Variants in PCBP3 observed in about 807,000 individuals in gnomAD.
The protein encoded by PCBP3 is poly(rC)-binding protein 3.
Under a neutral mutation model 52.7 loss-of-function variants are expected in PCBP3, and 25 were observed. The observed-to-expected ratio is 0.47, with a 90% CI of 0.35 to 0.66. The LOEUF is 0.66. PCBP3 is among the 30% of genes least tolerant of loss of function. The pLI, the probability that PCBP3 is intolerant of heterozygous loss-of-function variation, is 0.01. For missense variants in PCBP3, 391 were observed against 490.3 expected (o/e 0.80, Z 1.91); for synonymous variants, 162 against 183.0 (o/e 0.89, Z 0.93).
At chr21:45,777,349 G>C (rs2090335718) in intron 4 of PCBP3, among the ~76,000 whole-genome samples, 1 of 152,064 alleles carries the variant, frequency 6.6e-6, no homozygotes, top group Non-Finnish European at 1.5e-5. Context: ...TTTAGGATTT[G>C]CTCTTTATCT....
Position 45,736,730 on chromosome 21 carries a change from T to C in PCBP3, c.-162+1301T>C, listed in dbSNP as rs1343011120. On this transcript the variant is annotated intron_variant, in intron 3 of 17. Transcript: ENST00000681687. This position sits in a 1 kb window ranked among gnomAD's most constrained non-coding sequence, Gnocchi z 4.6. ...TAACAAATTACTTGAACAAAGACTT[T>C]GTTTGTTCCTTCATTCGTTCAGCAC... Among the ~76,000 whole-genome samples the C allele has an allele frequency of 3.9e-5, 6 of 152,144 alleles. No individual in the cohort carries two copies. The highest frequency in any genetic ancestry group is 1.9e-4 in the East Asian group (1 of 5,202).
At chr21:45,816,443 CTCCCCG>C (rs1160092538) in intron 4 of PCBP3, among the ~76,000 whole-genome samples, 1 of 105,236 alleles carries the variant, frequency 9.5e-6, no homozygotes, top group African/African-American at 3.7e-5. Context: ...CCCCTTCCCC[CTCCCCG>C]TCCCCTGCCC....
chr21:45,792,895 C>T (rs1321497084), intron 4 of PCBP3, among the ~76,000 whole-genome samples: 1 of 152,166 alleles, frequency 6.6e-6, no homozygotes, highest in East Asian at 1.9e-4. Flanking sequence ...GGGCCAGCCA[C>T]CAACTCCAGT....
At chr21:45,810,207 G>A (rs1287495182) in intron 4 of PCBP3, among the ~76,000 whole-genome samples, 2 of 133,934 alleles carry the variant, frequency 1.5e-5, no homozygotes, top group East Asian at 2.1e-4. Flanking sequence ...CTACTTGGTC[G>A]TGATTCGATT....
At chr21:45,934,432 TA>T (rs2076662313) in intron 15 of PCBP3, among the ~76,000 whole-genome samples, 1 of 152,232 alleles carries the variant, frequency 6.6e-6, no homozygotes, top group Non-Finnish European at 1.5e-5. Flanking sequence ...GGTTGTCTTT[TA>T]TCTGATGGTA....
chr21:45,866,220 A>T (rs981548893), intron 5 of PCBP3, among the ~76,000 whole-genome samples: 3 of 152,212 alleles, frequency 2.0e-5, no homozygotes, highest in Non-Finnish European at 4.4e-5. Flanking sequence ...GCACTGAGGT[A>T]GGGCCCAGCT....
rs1034116882 is a variant in PCBP3, at chr21:45,866,650, G to A, written c.10+16555G>A. On this transcript the variant is annotated intron_variant, in intron 5 of 17. Coordinates refer to ENST00000681687, the MANE Select transcript of PCBP3 (RefSeq NM_001384156.1). ...CCTGGGGAGGGGTCTGGTGGGAGGC[G>A]GGGGTGGCTGGAGCAATCCCAGAGA... Among the ~76,000 whole-genome samples the A allele has an allele frequency of 1.4e-4, 22 of 152,246 alleles. 1 individual carries two copies. Among genetic ancestry groups the A allele is most frequent in the Middle Eastern group, 3.4e-3 (1 of 294 alleles).
intron 2 of PCBP3, among the ~76,000 whole-genome samples, chr21:45,679,741 T>G (rs1200534601): frequency 6.6e-6 from 1 of 152,226 alleles, no homozygotes; most frequent in Non-Finnish European, 1.5e-5. Flanking sequence ...GAAGTGCATA[T>G]TATCAGTTCT....
intron 13 of PCBP3, among the ~76,000 whole-genome samples, chr21:45,921,648 T>C (rs1450302129): frequency 6.6e-6 from 1 of 152,036 alleles, no homozygotes; most frequent in East Asian, 1.9e-4. Context: ...AGACCCCGTC[T>C]CTACCAAAAA....
chr21:45,872,732 A>AGGGC (rs34516958), intron 5 of PCBP3: 16,142 of 152,200 alleles, frequency 0.11, 954 homozygotes, highest in Non-Finnish European at 0.14. Flanking sequence ...GGCTGTGGCA[A>AGGGC]GGGCTGTCTG....
chr21:45,771,390 A>G (rs1221165704), intron 4 of PCBP3, among the ~76,000 whole-genome samples: 1 of 152,228 alleles, frequency 6.6e-6, no homozygotes, highest in East Asian at 1.9e-4. Context: ...GACATTTAGC[A>G]TTAATTAGCA....
At chr21:45,893,798 C>T in intron 5 of PCBP3, 2 of 985,500 alleles carry the variant, frequency 2.0e-6, no homozygotes, top group Non-Finnish European at 2.4e-6. Context: ...GGGCAAGCCT[C>T]AGAACGGGCT....
intron 2 of PCBP3, among the ~76,000 whole-genome samples, chr21:45,676,551 G>C (rs1461733503): frequency 6.6e-6 from 1 of 151,896 alleles, no homozygotes; most frequent in Non-Finnish European, 1.5e-5. Context: ...AGCGATCTTT[G>C]TTACTATTGT....
rs184226039 is a variant in PCBP3 at position 45,718,985 on chromosome 21, A to G, written c.-199-16407A>G. Among the ~76,000 whole-genome samples the G allele has an allele frequency of 1.8e-3, 268 of 152,254 alleles. 1 individual carries two copies. Among genetic ancestry groups the G allele is most frequent in the Middle Eastern group, 6.8e-3 (2 of 294 alleles). On this transcript the variant is annotated intron_variant, in intron 2 of 17. Transcript: ENST00000681687. ...CATCTGATATCAAGATGCTCTGTAAAATAAAGGAGTGGAAACAGTGTGGGA... is the reference window on the plus strand; with the variant it reads ...CATCTGATATCAAGATGCTCTGTAAGATAAAGGAGTGGAAACAGTGTGGGA...
chr21:45,839,122 A>AT (rs889590349), intron 4 of PCBP3, among the ~76,000 whole-genome samples: 2 of 151,762 alleles, frequency 1.3e-5, no homozygotes, highest in Non-Finnish European at 2.9e-5. Context: ...GAAGGTTTGT[A>AT]TTTTTTTTCT....
At chr21:45,701,499 C>A (rs979251198) in intron 2 of PCBP3, among the ~76,000 whole-genome samples, 3 of 152,192 alleles carry the variant, frequency 2.0e-5, no homozygotes, top group Non-Finnish European at 4.4e-5. Flanking sequence ...TTCAGAAATT[C>A]ATTTACAATA....
chr21:45,690,571 T>C (rs1469794781), intron 2 of PCBP3, among the ~76,000 whole-genome samples: 1 of 152,038 alleles, frequency 6.6e-6, no homozygotes, highest in Non-Finnish European at 1.5e-5. Flanking sequence ...TACATATATC[T>C]GAAAAAAGGA....
Position 45,895,426 on chromosome 21 carries a change from G to T in PCBP3, c.11-782G>T, listed in dbSNP as rs537570440. On this transcript the variant is annotated intron_variant, in intron 5 of 17. Transcript: ENST00000681687. ...CCCTTCAGGGAAGGACTCGGGATGA[G>T]GCTGACTCTGCAGAGCCCAGTACCT... Among the ~76,000 whole-genome samples the T allele has an allele frequency of 1.4e-3, 215 of 152,322 alleles. 1 individual carries two copies. The highest frequency in any genetic ancestry group is 4.7e-3 in the African/African-American group (197 of 41,570).
At chr21:45,792,218 G>C (rs2091643000) in intron 4 of PCBP3, among the ~76,000 whole-genome samples, 1 of 152,284 alleles carries the variant, frequency 6.6e-6, no homozygotes, top group Non-Finnish European at 1.5e-5. Context: ...GAAAGTGGGA[G>C]AAACAGTAGC....
Sources: allele counts gnomAD v4.1 joint callset (sites outside exome capture counted in the v4.1 genomes callset), GRCh38; gene constraint gnomAD v4.1.1; non-coding constraint Gnocchi (gnomAD v3.1); transcripts MANE v1.5; gene names NCBI Gene and HGNC (gene_info 2026-07-23, HGNC 2026-07-21).